The following EDAR variants were observed in gnomAD, a reference collection of about 807,000 sequenced individuals.
EDAR encodes ectodysplasin A receptor.
In EDAR, 38 loss-of-function variants were observed where a neutral mutation model predicts 51.3. That is an observed-to-expected ratio of 0.74 (90% CI 0.57 to 0.97). The LOEUF is 0.97. Among genes scored for constraint, EDAR ranks in the 50% least tolerant of loss-of-function variants. The pLI is 0.00. For missense variants in EDAR, 528 were observed against 595.0 expected (o/e 0.89, Z 1.17); for synonymous variants, 227 against 242.1 (o/e 0.94, Z 0.58).
At chr2:108,915,195 A>G (rs1697004955) in intron 5 of EDAR, among the ~76,000 whole-genome samples, 1 of 152,138 alleles carries the variant, frequency 6.6e-6, no homozygotes, top group Non-Finnish European at 1.5e-5. Flanking sequence ...TGAGCCTGTA[A>G]TCCATGCCTG....
chr2:108,915,652 C>T (rs1697013058), intron 5 of EDAR, among the ~76,000 whole-genome samples: 1 of 152,186 alleles, frequency 6.6e-6, no homozygotes, highest in South Asian at 2.1e-4. Flanking sequence ...ATAATCCCAG[C>T]ACTTTGGGAG....
intron 1 of EDAR, among the ~76,000 whole-genome samples, chr2:108,956,861 A>G (rs111976151): frequency 2.0e-5 from 3 of 151,690 alleles, no homozygotes; most frequent in African/African-American, 7.3e-5. Flanking sequence ...CGATCTCAGC[A>G]CACCGCAACC....
intron 5 of EDAR, among the ~76,000 whole-genome samples, chr2:108,914,207 CCGAGA>C (rs1696986029): frequency 6.6e-6 from 1 of 151,726 alleles, no homozygotes; most frequent in Non-Finnish European, 1.5e-5. Flanking sequence ...TTGCAGTGAG[CCGAGA>C]TCACACCACT....
At chr2:108,963,100 C>T (rs1054844524) in intron 1 of EDAR, among the ~76,000 whole-genome samples, 8 of 152,184 alleles carry the variant, frequency 5.3e-5, no homozygotes, top group African/African-American at 1.9e-4. Flanking sequence ...TCCAGCCCTG[C>T]AGAGGCCGCA....
intron 11 of EDAR, among the ~76,000 whole-genome samples, chr2:108,898,093 C>G (rs1259322744): frequency 6.6e-6 from 1 of 152,186 alleles, no homozygotes; most frequent in Non-Finnish European, 1.5e-5. Context: ...AGCAGCCTAG[C>G]AAGCATAAAA....
chr2:108,948,886 G>C (rs1229221797), intron 1 of EDAR, among the ~76,000 whole-genome samples: 2 of 152,140 alleles, frequency 1.3e-5, no homozygotes, highest in Non-Finnish European at 2.9e-5. Flanking sequence ...GGGATGCCGA[G>C]GCAGGATGAT....
chr2:108,977,346 G>T (rs1302554744), intron 1 of EDAR, among the ~76,000 whole-genome samples: 4 of 152,162 alleles, frequency 2.6e-5, no homozygotes, highest in Non-Finnish European at 1.5e-5. Context: ...TCGGCTCACT[G>T]CAAGCTGCGC....
At chr2:108,901,359 T>C (rs1696694804) in intron 11 of EDAR, among the ~76,000 whole-genome samples, 1 of 152,166 alleles carries the variant, frequency 6.6e-6, no homozygotes, top group Non-Finnish European at 1.5e-5. Context: ...ATAGGACAGA[T>C]ACATACAAAG....
chr2:108,920,553 C>T (rs78772415), intron 5 of EDAR, among the ~76,000 whole-genome samples: 2,788 of 152,204 alleles, frequency 0.018, 74 homozygotes, highest in African/African-American at 0.064. Flanking sequence ...CAGGGCTCCA[C>T]AGTATTGCAG....
intron 5 of EDAR, among the ~76,000 whole-genome samples, chr2:108,918,388 G>A (rs1697066150): frequency 6.6e-6 from 1 of 152,220 alleles, no homozygotes; most frequent in African/African-American, 2.4e-5. Context: ...TCTGCCTCTT[G>A]GGATGCTTGT....
At chr2:108,980,075 T>A (rs1698394361) in intron 1 of EDAR, among the ~76,000 whole-genome samples, 1 of 116,556 alleles carries the variant, frequency 8.6e-6, no homozygotes, top group Admixed American at 1.4e-4. Flanking sequence ...TCGCCCATCG[T>A]CAAGTTCAAA....
chr2:108,940,656 A>C (rs1697576538), intron 1 of EDAR, among the ~76,000 whole-genome samples: 1 of 152,220 alleles, frequency 6.6e-6, no homozygotes, highest in Non-Finnish European at 1.5e-5. Context: ...AATAACAAAG[A>C]AGCAGCTTCT....
rs576563066 is a variant in EDAR, at chr2:108,901,158, A to G, written c.1025-3929T>C. ...GAAATTATACAAAGGATATTCCCCT[A>G]CCACAATAGAATCAGAATATAAATA... On this transcript the variant is annotated intron_variant, in intron 11 of 11. Transcript: ENST00000258443. Among the ~76,000 whole-genome samples, 4 of 152,320 alleles carry G rather than the reference A, an allele frequency of 2.6e-5. No individual in the cohort carries two copies. In the South Asian group the frequency reaches 8.3e-4, roughly 32 times the overall value.
intron 1 of EDAR, among the ~76,000 whole-genome samples, chr2:108,939,352 A>G (rs941967088): frequency 6.6e-6 from 1 of 151,924 alleles, no homozygotes; most frequent in Non-Finnish European, 1.5e-5. Context: ...ACACTTGGCT[A>G]ATTTTTGTAT....
rs1489469120 is a variant in EDAR at position 108,895,874 on chromosome 2, A to AAGTC, written c.*1029_*1032dup. 6.6e-6 allele frequency: 1 copy of AAGTC among 152,216 alleles called. No homozygotes were observed. The highest frequency in any genetic ancestry group is 2.4e-5 in the African/African-American group (1 of 41,448). 9.4% of individuals were successfully genotyped at this position (152,216 alleles called of 1,614,324 possible). A position where few individuals can be genotyped will look rare whatever the true frequency, so the allele number is the denominator to read the frequency against. ...CTCTCATGCCATGAGGCTAATCCACAAGTCTTAGATGCTCTTGAAATCTAG... is the reference window on the plus strand; with the variant it reads ...CTCTCATGCCATGAGGCTAATCCACAAGTCAGTCTTAGATGCTCTTGAAATCTAG... On this transcript the variant is annotated 3_prime_UTR_variant, in exon 12 of 12. Transcript: ENST00000258443.
chr2:108,977,147 T>G (rs1267195762), intron 1 of EDAR, among the ~76,000 whole-genome samples: 1 of 152,160 alleles, frequency 6.6e-6, no homozygotes, highest in Non-Finnish European at 1.5e-5. Context: ...GCCTGGGTTT[T>G]CCTAGATGGC....
At chr2:108,987,723 A>C (rs1698520319) in intron 1 of EDAR, among the ~76,000 whole-genome samples, 2 of 152,162 alleles carry the variant, frequency 1.3e-5, no homozygotes, top group South Asian at 4.1e-4. Context: ...CCCCCGGCCA[A>C]TCGCCACCAG....
At position 108,929,390 on chromosome 2, in the gene EDAR, A is replaced by G; in HGVS notation, c.175-11T>C. The G allele has an allele frequency of 1.9e-6, 3 of 1,613,884 alleles. No individual in the cohort carries two copies. The highest frequency in any genetic ancestry group is 1.7e-6 in the Non-Finnish European group (2 of 1,179,872). On this transcript the variant is annotated splice_polypyrimidine_tract_variant and intron_variant, in intron 3 of 11. Coordinates refer to ENST00000258443, the MANE Select transcript of EDAR (RefSeq NM_022336.4). ...GCCGTAGCCACAGGACTGTCCAGGG[A>G]AAGAGGACAGGGGACACAGGTGAGT... is the stretch of plus-strand genomic sequence containing the variant.
chr2:108,968,808 G>A (rs1698190422), intron 1 of EDAR, among the ~76,000 whole-genome samples: 1 of 152,250 alleles, frequency 6.6e-6, no homozygotes, highest in African/African-American at 2.4e-5. Context: ...GCCTGCCTGA[G>A]ATGATGTCAT....
Sources: gnomAD v4.1 joint callset for allele counts (sites outside exome capture counted in the v4.1 genomes callset) on GRCh38, gnomAD v4.1.1 for gene constraint, MANE v1.5 for transcripts, NCBI Gene and HGNC (gene_info 2026-07-23, HGNC 2026-07-21) for gene names.